Variants in GPC6 observed in about 807,000 individuals in gnomAD.
The protein encoded by GPC6 is glypican-6.
GPC6 carries 14 observed loss-of-function variants against 55.2 expected under a neutral mutation model. The observed-to-expected ratio is 0.25, with a 90% CI of 0.17 to 0.40. GPC6 has a LOEUF of 0.40. Ranked by LOEUF, GPC6 falls within the 10% of genes least tolerant of loss-of-function variation. The probability of loss-of-function intolerance (pLI) is 1.00; values close to 1 mark genes in which losing one functional copy is unlikely to be tolerated. For missense variants in GPC6, 641 were observed against 708.5 expected, an observed-to-expected ratio of 0.90 and a Z score of 1.08; for synonymous variants, 278 against 259.6, an observed-to-expected ratio of 1.07 and a Z score of -0.68.
At chr13:94,176,189 C>T (rs970861870) in intron 4 of GPC6, among the ~76,000 whole-genome samples, 1 of 151,954 alleles carries the variant, frequency 6.6e-6, no homozygotes, top group African/African-American at 2.4e-5. Context: ...CAATAAGACC[C>T]TTTCATTTCA....
At chr13:94,031,034 G>A (rs186401251) in intron 4 of GPC6, among the ~76,000 whole-genome samples, 4 of 151,504 alleles carry the variant, frequency 2.6e-5, no homozygotes, top group African/African-American at 7.3e-5. Flanking sequence ...GCATGCATGC[G>A]TGTGTGCGTT....
intron 4 of GPC6, among the ~76,000 whole-genome samples, chr13:94,101,002 G>T (rs1885837146): frequency 6.6e-6 from 1 of 152,198 alleles, no homozygotes; most frequent in Non-Finnish European, 1.5e-5. Context: ...CTAAGCACTG[G>T]TCATTGCGTC....
At chr13:94,308,040 C>A (rs1171174902) in intron 6 of GPC6, among the ~76,000 whole-genome samples, 2 of 151,990 alleles carry the variant, frequency 1.3e-5, no homozygotes, top group Non-Finnish European at 2.9e-5. Flanking sequence ...TGTTAAGTAT[C>A]CTTACCACAA....
Position 93,881,352 on chromosome 13 carries a change from G to A in GPC6, c.711+50807G>A, listed in dbSNP as rs537993160. 5.9e-5 allele frequency among the ~76,000 whole-genome samples: 9 copies of A among 152,236 alleles called. 1 individual carries two copies. The highest frequency in any genetic ancestry group is 2.2e-4 in the African/African-American group (9 of 41,568). On this transcript the variant is annotated intron_variant, in intron 3 of 8. Coordinates refer to ENST00000377047, the MANE Select transcript of GPC6 (RefSeq NM_005708.5). ...ATTGTGGTGAAAAAGACTTGCAGAC[G>A]TAATGAGTAGCCTTCTTTCCCTGCT...
intron 2 of GPC6, among the ~76,000 whole-genome samples, chr13:93,616,543 G>A (rs952755289): frequency 1.3e-5 from 2 of 151,984 alleles, no homozygotes; most frequent in African/African-American, 4.8e-5. Context: ...ACTTTCTCTG[G>A]ATTTGCAAGA....
At chr13:93,223,019 C>CTTTTTTTTTTTTTTTTTTTT (rs3073915), upstream of GPC6, among the ~76,000 whole-genome samples, 3 of 100,814 alleles carry the variant, frequency 3.0e-5, no homozygotes, top group African/African-American at 1.1e-4. Context: ...AGGGAAAACA[C>CTTTTTTTTTTTTTTTTTTTT]TTTTTTTTTT....
chr13:94,134,749 A>G (rs962472171), intron 4 of GPC6, among the ~76,000 whole-genome samples: 1 of 152,174 alleles, frequency 6.6e-6, no homozygotes, highest in Non-Finnish European at 1.5e-5. Context: ...TATGCAGAAT[A>G]TCATACTATT....
At chr13:93,337,956 G>T (rs1474339911) in intron 1 of GPC6, among the ~76,000 whole-genome samples, 1 of 152,178 alleles carries the variant, frequency 6.6e-6, no homozygotes, top group African/African-American at 2.4e-5. Context: ...ATTCTCAGCG[G>T]AATTAAATTT....
chr13:94,071,252 G>C (rs911494886), intron 4 of GPC6, among the ~76,000 whole-genome samples: 1 of 152,198 alleles, frequency 6.6e-6, no homozygotes, highest in Admixed American at 6.5e-5. Context: ...ATAGTCTTTC[G>C]TGTAGAGGGT....
At chr13:93,451,546 G>A (rs530233416) in intron 1 of GPC6, among the ~76,000 whole-genome samples, 7 of 152,234 alleles carry the variant, frequency 4.6e-5, no homozygotes, top group African/African-American at 1.7e-4. Flanking sequence ...AATTGTGTTG[G>A]AACACCATCA....
intron 2 of GPC6, among the ~76,000 whole-genome samples, chr13:93,698,942 T>C (rs1882575826): frequency 6.6e-6 from 1 of 152,072 alleles, no homozygotes; most frequent in South Asian, 2.1e-4. Flanking sequence ...TCTGTTATAT[T>C]ATGCATTGAC....
chr13:94,120,355 A>G (rs868780272), intron 4 of GPC6, among the ~76,000 whole-genome samples: 4 of 152,060 alleles, frequency 2.6e-5, no homozygotes, highest in Non-Finnish European at 5.9e-5. Flanking sequence ...GCACCTGCCC[A>G]TGGTTTCCCT....
intron 1 of GPC6, among the ~76,000 whole-genome samples, chr13:93,259,513 A>G (rs577713670): frequency 6.6e-6 from 1 of 152,166 alleles, no homozygotes; most frequent in South Asian, 2.1e-4. Flanking sequence ...TTGTATACTG[A>G]TATTTCTATT....
chr13:93,455,347 C>G (rs1020562187), intron 1 of GPC6, among the ~76,000 whole-genome samples: 3 of 152,144 alleles, frequency 2.0e-5, no homozygotes, highest in Non-Finnish European at 2.9e-5. Flanking sequence ...GCTGTCACCT[C>G]TCAGTATGAT....
chr13:93,578,733 T>G (rs1385828802), intron 2 of GPC6, among the ~76,000 whole-genome samples: 1 of 151,898 alleles, frequency 6.6e-6, no homozygotes, highest in Admixed American at 6.6e-5. Context: ...GTTTTCTGTT[T>G]GACTTTTTCT....
intron 7 of GPC6, among the ~76,000 whole-genome samples, chr13:94,385,804 A>C (rs529101478): frequency 1.0e-4 from 15 of 150,368 alleles, no homozygotes; most frequent in African/African-American, 3.4e-4. Flanking sequence ...ACTTAAATTT[A>C]CTAAACTATT....
chr13:93,492,113 G>A (rs1473551911), intron 1 of GPC6, among the ~76,000 whole-genome samples: 2 of 145,046 alleles, frequency 1.4e-5, no homozygotes, highest in African/African-American at 2.6e-5. Flanking sequence ...ACCTTGGGCA[G>A]TATGGCCATT....
chr13:93,423,978 T>C (rs1033927095), intron 1 of GPC6, among the ~76,000 whole-genome samples: 1 of 152,166 alleles, frequency 6.6e-6, no homozygotes, highest in Non-Finnish European at 1.5e-5. Flanking sequence ...AATCTGCTCC[T>C]ACCCTCCTTT....
intron 2 of GPC6, among the ~76,000 whole-genome samples, chr13:93,809,864 A>T (rs563601684): frequency 1.3e-5 from 2 of 152,290 alleles, no homozygotes; most frequent in East Asian, 3.9e-4. Context: ...TTAGAAGCCC[A>T]CTTTTGTACC....
Sources: gnomAD v4.1 joint callset for allele counts (sites outside exome capture counted in the v4.1 genomes callset) on GRCh38, gnomAD v4.1.1 for gene constraint, MANE v1.5 for transcripts, NCBI Gene and HGNC (gene_info 2026-07-23, HGNC 2026-07-21) for gene names.